Variants in SCAMP1 observed in about 807,000 individuals in gnomAD.
SCAMP1 encodes the protein secretory carrier-associated membrane protein 1.
Under a neutral mutation model 41.8 loss-of-function variants are expected in SCAMP1, and 15 were observed. The observed-to-expected ratio is 0.36, with a 90% confidence interval of 0.24 to 0.55. The LOEUF (loss-of-function observed/expected upper bound fraction) is 0.55, where lower values mean the gene tolerates loss of function less well. Ranked by LOEUF, SCAMP1 falls within the 20% of genes least tolerant of loss-of-function variation. The pLI is 0.86. For synonymous variants in SCAMP1, 135 were observed against 136.8 expected, an observed-to-expected ratio of 0.99 and a Z score of 0.09; for missense variants, 341 against 412.6, an observed-to-expected ratio of 0.83 and a Z score of 1.50.
intron 5 of SCAMP1, 76 bp from the exon 6 acceptor site, chr5:78,421,725 T>G: frequency 7.7e-7 from 1 of 1,304,228 alleles, no homozygotes; most frequent in Non-Finnish European, 1.1e-6. Context: ...ATTTTTTTAT[T>G]TACAATTTTT....
intron 2 of SCAMP1, among the ~76,000 whole-genome samples, chr5:78,403,200 A>G (rs1273192039): frequency 6.6e-6 from 1 of 152,132 alleles, no homozygotes; most frequent in Non-Finnish European, 1.5e-5. Flanking sequence ...AACATTTTAT[A>G]TGATTATAAT....
At chr5:78,368,514 T>C (rs1471545577) in intron 1 of SCAMP1, among the ~76,000 whole-genome samples, 1 of 152,228 alleles carries the variant, frequency 6.6e-6, no homozygotes. Flanking sequence ...CAGTGTGATA[T>C]AGTTGCTGAA....
chr5:78,453,593 G>T (rs1753301144), intron 7 of SCAMP1, among the ~76,000 whole-genome samples: 4 of 151,594 alleles, frequency 2.6e-5, no homozygotes, highest in African/African-American at 9.7e-5. Context: ...CTGTAGCCTT[G>T]TAGTATAGTT....
intron 1 of SCAMP1, among the ~76,000 whole-genome samples, chr5:78,377,394 A>T (rs1431427068): frequency 6.6e-6 from 1 of 151,984 alleles, no homozygotes; most frequent in Non-Finnish European, 1.5e-5. Flanking sequence ...TCCCAATTTT[A>T]TGTCTCATAT....
intron 1 of SCAMP1, 74 bp downstream of exon 1, chr5:78,360,802 C>A: frequency 7.1e-7 from 1 of 1,415,096 alleles, no homozygotes; most frequent in East Asian, 2.5e-5. Context: ...TTCCTTCGCG[C>A]CCACTGCGTC....
At chr5:78,383,393 T>C (rs1156967188) in intron 1 of SCAMP1, among the ~76,000 whole-genome samples, 1 of 152,110 alleles carries the variant, frequency 6.6e-6, no homozygotes, top group Non-Finnish European at 1.5e-5. Flanking sequence ...TGTTGTCTGT[T>C]TGCTGATTAT....
At chr5:78,412,725 T>C (rs1377371163) in intron 2 of SCAMP1, among the ~76,000 whole-genome samples, 2 of 152,216 alleles carry the variant, frequency 1.3e-5, no homozygotes, top group East Asian at 1.9e-4. Context: ...TTCAGATCTT[T>C]TGCTAGTTTT....
intron 1 of SCAMP1, among the ~76,000 whole-genome samples, chr5:78,365,648 C>T (rs1211870498): frequency 6.6e-6 from 1 of 152,100 alleles, no homozygotes; most frequent in East Asian, 1.9e-4. Flanking sequence ...CCTACATCAA[C>T]CTGCTAGACT....
chr5:78,414,444 G>T (rs748859630), intron 2 of SCAMP1, among the ~76,000 whole-genome samples: 5 of 151,890 alleles, frequency 3.3e-5, no homozygotes, highest in Non-Finnish European at 5.9e-5. Context: ...CGCCACACCT[G>T]GCTAATTTTT....
intron 2 of SCAMP1, among the ~76,000 whole-genome samples, chr5:78,390,657 C>CTTTT (rs1003765684): frequency 2.2e-5 from 3 of 137,478 alleles, no homozygotes; most frequent in African/African-American, 8.0e-5. Flanking sequence ...ATTTTTTTTT[C>CTTTT]TTTTTTTTTT....
intron 6 of SCAMP1, among the ~76,000 whole-genome samples, chr5:78,443,200 T>A (rs1752969195): frequency 8.8e-6 from 1 of 114,002 alleles, no homozygotes; most frequent in Non-Finnish European, 1.7e-5. Context: ...GCAACAGAGC[T>A]AGACTCTGTC....
chr5:78,375,969 C>T (rs1323148554), intron 1 of SCAMP1, among the ~76,000 whole-genome samples: 4 of 152,238 alleles, frequency 2.6e-5, no homozygotes, highest in Non-Finnish European at 4.4e-5. Flanking sequence ...TTTTATTTTA[C>T]TCCATATAAA....
chr5:78,365,143 T>G (rs1027785731), intron 1 of SCAMP1, among the ~76,000 whole-genome samples: 1 of 152,110 alleles, frequency 6.6e-6, no homozygotes, highest in African/African-American at 2.4e-5. Flanking sequence ...GTGGTTTTAA[T>G]TAGGTACTAA....
intron 8 of SCAMP1, among the ~76,000 whole-genome samples, chr5:78,471,369 G>A (rs890068738): frequency 1.3e-5 from 2 of 152,128 alleles, no homozygotes; most frequent in Admixed American, 1.3e-4. Context: ...TCTGTGGGCA[G>A]GAGGGTTCAT....
chr5:78,432,894 A>G (rs912041471), intron 6 of SCAMP1, among the ~76,000 whole-genome samples: 2 of 151,984 alleles, frequency 1.3e-5, no homozygotes, highest in Non-Finnish European at 2.9e-5. Context: ...ATATTGCCCC[A>G]TGTCTCTTAG....
At chr5:78,424,336 A>G (rs1030488229) in intron 6 of SCAMP1, among the ~76,000 whole-genome samples, 1 of 152,228 alleles carries the variant, frequency 6.6e-6, no homozygotes, top group Non-Finnish European at 1.5e-5. Context: ...GGAAAATTAT[A>G]TAGTGAAGTT....
intron 1 of SCAMP1, among the ~76,000 whole-genome samples, chr5:78,388,469 A>G (rs747920928): frequency 3.3e-5 from 5 of 152,226 alleles, no homozygotes; most frequent in Non-Finnish European, 7.4e-5. Context: ...TGAAGCTGTT[A>G]TAAAAAGGGG....
Position 78,475,671 on chromosome 5 carries a change from A to C in SCAMP1, c.*3A>C, listed in dbSNP as rs1409875158. 3 of 1,525,950 alleles carry C rather than the reference A, an allele frequency of 2.0e-6. No individual in the cohort carries two copies. The highest frequency in any genetic ancestry group is 4.7e-5 in the East Asian group (2 of 42,226). The allele number at this position is 1,525,950 out of a possible 1,614,324, so 94.5% of individuals were successfully genotyped here. On this transcript the variant is annotated 3_prime_UTR_variant, in exon 9 of 9. Coordinates refer to ENST00000621999, the MANE Select transcript of SCAMP1 (RefSeq NM_004866.6). The stretch of plus-strand genomic sequence containing the variant: ...CTTTCAAGGGTAACCAGATTTAAGA[A>C]TCTTCAAACAATACACTGTTACCTT...
intron 8 of SCAMP1, among the ~76,000 whole-genome samples, chr5:78,471,078 G>T (rs1753873116): frequency 6.6e-6 from 1 of 152,022 alleles, no homozygotes; most frequent in Non-Finnish European, 1.5e-5. Flanking sequence ...TCTTTTAGGG[G>T]GTGTAACAAT....
Sources: allele counts gnomAD v4.1 joint callset (sites outside exome capture counted in the v4.1 genomes callset), GRCh38; gene constraint gnomAD v4.1.1; transcripts MANE v1.5; gene names NCBI Gene and HGNC (gene_info 2026-07-23, HGNC 2026-07-21).